The following TBC1D5 variants were observed in gnomAD, a reference collection of about 807,000 sequenced individuals.
TBC1D5 encodes TBC1 domain family, member 5.
A neutral mutation model predicts 100.3 loss-of-function variants in TBC1D5; 75 were observed. The ratio of observed to expected loss-of-function variants is 0.75; its 90% CI spans 0.62 to 0.91. The LOEUF is 0.91. Among genes scored for constraint, TBC1D5 ranks in the 40% least tolerant of loss-of-function variants. The pLI, the probability that TBC1D5 is intolerant of heterozygous loss-of-function variation, is 0.00. For missense variants in TBC1D5, 910 were observed against 942.4 expected, an observed-to-expected ratio of 0.97 and a Z score of 0.45; for synonymous variants, 323 against 325.6, an observed-to-expected ratio of 0.99 and a Z score of 0.09.
At chr3:17,349,611 T>C (rs1053880714) in intron 13 of TBC1D5, among the ~76,000 whole-genome samples, 10 of 152,164 alleles carry the variant, frequency 6.6e-5, no homozygotes, top group African/African-American at 2.4e-4. Context: ...TTAAAAACTT[T>C]TTAGAGGTTG....
intron 7 of TBC1D5, 70 bp downstream of exon 7, chr3:17,404,624 T>G: frequency 3.6e-6 from 5 of 1,393,696 alleles, no homozygotes; most frequent in Non-Finnish European, 4.9e-6. Flanking sequence ...TCATGGTGAC[T>G]GGCAACCAGT....
At chr3:17,339,966 T>A (rs910917437) in intron 13 of TBC1D5, among the ~76,000 whole-genome samples, 2 of 151,172 alleles carry the variant, frequency 1.3e-5, no homozygotes, top group African/African-American at 4.9e-5. Context: ...TATGTTTGCT[T>A]AATTAATTAG....
intron 4 of TBC1D5, among the ~76,000 whole-genome samples, chr3:17,413,247 T>C (rs911867165): frequency 2.0e-5 from 3 of 152,196 alleles, no homozygotes; most frequent in African/African-American, 7.2e-5. Context: ...CAGTACTGGC[T>C]GCCTTGGAAG....
chr3:17,595,561 G>C (rs1467934884), intron 2 of TBC1D5, among the ~76,000 whole-genome samples: 1 of 152,164 alleles, frequency 6.6e-6, no homozygotes, highest in Non-Finnish European at 1.5e-5. Context: ...CTCTGGGATA[G>C]AGCTATACTA....
intron 14 of TBC1D5, among the ~76,000 whole-genome samples, chr3:17,293,115 C>T (rs2081925675): frequency 6.6e-6 from 1 of 152,144 alleles, no homozygotes; most frequent in African/African-American, 2.4e-5. Flanking sequence ...TTCATTGCTG[C>T]TATGACAGCT....
chr3:17,412,762 C>G (rs1411639587), intron 4 of TBC1D5, among the ~76,000 whole-genome samples: 2 of 151,802 alleles, frequency 1.3e-5, no homozygotes, highest in Admixed American at 6.6e-5. Context: ...AAGTAAGGTT[C>G]AGAAAAATTG....
chr3:17,662,402 A>G (rs1000418343), intron 1 of TBC1D5, among the ~76,000 whole-genome samples: 9 of 152,226 alleles, frequency 5.9e-5, no homozygotes, highest in African/African-American at 2.2e-4. Context: ...AAGCCTTTGA[A>G]TATCAGCAAC....
At chr3:17,534,006 T>A (rs2096259723) in intron 2 of TBC1D5, among the ~76,000 whole-genome samples, 1 of 152,142 alleles carries the variant, frequency 6.6e-6, no homozygotes, top group South Asian at 2.1e-4. Context: ...CTGTATTTTC[T>A]GAAACCTGTC....
intron 1 of TBC1D5, among the ~76,000 whole-genome samples, chr3:17,650,096 A>G (rs561717896): frequency 1.3e-3 from 204 of 152,064 alleles, no homozygotes; most frequent in Non-Finnish European, 1.9e-4. Flanking sequence ...TAAACAATGA[A>G]AACACATGGA....
intron 15 of TBC1D5, among the ~76,000 whole-genome samples, chr3:17,274,280 AAT>A (rs1207332211): frequency 6.6e-6 from 1 of 152,226 alleles, no homozygotes; most frequent in African/African-American, 2.4e-5. Context: ...CTTTTGAATG[AAT>A]ATGTCCTAAA....
intron 1 of TBC1D5, among the ~76,000 whole-genome samples, chr3:17,667,721 G>C (rs1322750733): frequency 1.3e-5 from 2 of 151,846 alleles, no homozygotes; most frequent in African/African-American, 4.8e-5. Context: ...CATAGTGCTG[G>C]GATTACAAGC....
chr3:17,672,765 A>C (rs1316921931), intron 1 of TBC1D5: 2 of 152,228 alleles, frequency 1.3e-5, no homozygotes, highest in African/African-American at 4.8e-5. Flanking sequence ...TAGTGGCATC[A>C]AATTGCCTAA....
At chr3:17,195,602 G>C (rs1445690903) in intron 18 of TBC1D5, among the ~76,000 whole-genome samples, 1 of 152,076 alleles carries the variant, frequency 6.6e-6, no homozygotes, top group Non-Finnish European at 1.5e-5. Flanking sequence ...TTATTCTCTG[G>C]GCTAACTGAC....
At chr3:17,380,631 T>C (rs1017742391) in intron 9 of TBC1D5, among the ~76,000 whole-genome samples, 3 of 152,074 alleles carry the variant, frequency 2.0e-5, no homozygotes, top group African/African-American at 4.8e-5. Context: ...GCTAGATTGT[T>C]AGTAGTCACT....
At chr3:17,438,173 AT>A (rs1376025808) in intron 3 of TBC1D5, among the ~76,000 whole-genome samples, 1 of 152,216 alleles carries the variant, frequency 6.6e-6, no homozygotes, top group Non-Finnish European at 1.5e-5. Flanking sequence ...CTAATGCTGC[AT>A]TTTAGACAAT....
At chr3:17,694,630 C>T (rs2071717841) in intron 1 of TBC1D5, among the ~76,000 whole-genome samples, 1 of 152,130 alleles carries the variant, frequency 6.6e-6, no homozygotes, top group Admixed American at 6.5e-5. Context: ...ATTGGTGTAC[C>T]TGAAAGTGAT....
chr3:17,280,519 G>C (rs924049686), intron 15 of TBC1D5, among the ~76,000 whole-genome samples: 1 of 152,166 alleles, frequency 6.6e-6, no homozygotes, highest in Non-Finnish European at 1.5e-5. Flanking sequence ...AGGAAGAGAA[G>C]AGGAGAAGCA....
intron 2 of TBC1D5, among the ~76,000 whole-genome samples, chr3:17,573,667 C>T (rs900825738): frequency 1.3e-5 from 2 of 151,948 alleles, no homozygotes; most frequent in Non-Finnish European, 2.9e-5. Context: ...CTGGGCCACC[C>T]CAGGCAGTAT....
chr3:17,625,556 A>G (rs1377605499), intron 1 of TBC1D5, among the ~76,000 whole-genome samples: 2 of 152,098 alleles, frequency 1.3e-5, no homozygotes, highest in Non-Finnish European at 2.9e-5. Flanking sequence ...ATGGCATTAC[A>G]AGACTGAGAA....
Sources: allele counts gnomAD v4.1 joint callset (sites outside exome capture counted in the v4.1 genomes callset), GRCh38; gene constraint gnomAD v4.1.1; transcripts MANE v1.5; gene names NCBI Gene and HGNC (gene_info 2026-07-23, HGNC 2026-07-21).